Variants in RABGAP1L observed in about 807,000 individuals in gnomAD.
RABGAP1L encodes rab GTPase-activating protein 1-like.
In RABGAP1L, 63 loss-of-function variants were observed where a neutral mutation model predicts 137.7. The observed-to-expected ratio is 0.46, with a 90% CI of 0.37 to 0.56. The LOEUF (loss-of-function observed/expected upper bound fraction) is 0.56. Among genes scored for constraint, RABGAP1L ranks in the 20% least tolerant of loss-of-function variants. RABGAP1L has a pLI of 0.00. For missense variants in RABGAP1L, 1,095 were observed against 1,244.0 expected (o/e 0.88, Z 1.80); for synonymous variants, 431 against 433.7 (o/e 0.99, Z 0.08).
chr1:174,983,980 C>T (rs1671357912), intron 24 of RABGAP1L, among the ~76,000 whole-genome samples: 1 of 147,406 alleles, frequency 6.8e-6, no homozygotes, highest in South Asian at 2.1e-4. Context: ...GCATACTGAC[C>T]AAGATTCAGT....
At chr1:174,795,271 T>G (rs1688162113) in intron 18 of RABGAP1L, among the ~76,000 whole-genome samples, 1 of 152,214 alleles carries the variant, frequency 6.6e-6, no homozygotes, top group Non-Finnish European at 1.5e-5. Context: ...GGACAAGCTC[T>G]CTGCCATCCC....
chr1:174,438,742 G>GTATATATA (rs1468934527), intron 13 of RABGAP1L, among the ~76,000 whole-genome samples: 1 of 65,802 alleles, frequency 1.5e-5, no homozygotes, highest in African/African-American at 1.4e-4. Flanking sequence ...AAGTGTGTGT[G>GTATATATA]TGTATATATA....
chr1:174,758,369 A>T, intron 18 of RABGAP1L, among the ~76,000 whole-genome samples: 1 of 149,702 alleles, frequency 6.7e-6, no homozygotes, highest in East Asian at 2.0e-4. Flanking sequence ...TCCCTTGTTG[A>T]TCTTATTCAT....
chr1:174,644,451 C>T (rs1489356921), intron 14 of RABGAP1L, among the ~76,000 whole-genome samples: 5 of 151,610 alleles, frequency 3.3e-5, no homozygotes, highest in Non-Finnish European at 7.4e-5. Flanking sequence ...ATTGGTGTGA[C>T]GCCTAAGGGT....
chr1:174,975,422 T>A (rs565163645), intron 21 of RABGAP1L, among the ~76,000 whole-genome samples: 1 of 152,190 alleles, frequency 6.6e-6, no homozygotes, highest in Non-Finnish European at 1.5e-5. Flanking sequence ...TCTAGAAATA[T>A]GATCTTTTCT....
intron 10 of RABGAP1L, among the ~76,000 whole-genome samples, chr1:174,283,097 A>T (rs778554337): frequency 2.2e-4 from 33 of 152,112 alleles, no homozygotes; most frequent in Non-Finnish European, 3.7e-4. Flanking sequence ...TTAGTTTGTC[A>T]GTTTGTAGAA....
intron 18 of RABGAP1L, among the ~76,000 whole-genome samples, chr1:174,807,242 CT>C (rs1323897230): frequency 4.6e-5 from 7 of 151,860 alleles, no homozygotes; most frequent in Non-Finnish European, 5.9e-5. Context: ...TTATATTAGG[CT>C]TTTAAAAAAT....
chr1:174,963,177 T>G (rs1426199944), intron 20 of RABGAP1L, among the ~76,000 whole-genome samples: 1 of 152,202 alleles, frequency 6.6e-6, no homozygotes, highest in Admixed American at 6.5e-5. Context: ...AAAACTGTGT[T>G]GGCTTTTGGA....
At chr1:174,427,144 A>ATGTG (rs57986877) in intron 13 of RABGAP1L, among the ~76,000 whole-genome samples, 2,189 of 144,646 alleles carry the variant, frequency 0.015, 18 homozygotes, top group African/African-American at 0.037. Flanking sequence ...CCGCATGTTT[A>ATGTG]TGTGTGTGTG....
intron 13 of RABGAP1L, among the ~76,000 whole-genome samples, chr1:174,555,993 CT>C (rs367653521): frequency 0.036 from 4,199 of 115,444 alleles, 207 homozygotes; most frequent in African/African-American, 0.12. Flanking sequence ...GTTCGTTTGC[CT>C]TTTTTTTTTT....
intron 13 of RABGAP1L, among the ~76,000 whole-genome samples, chr1:174,552,962 A>G (rs1432850731): frequency 6.6e-6 from 1 of 151,990 alleles, no homozygotes; most frequent in Non-Finnish European, 1.5e-5. Flanking sequence ...CAATTTGCAT[A>G]TCTCTAATGT....
At chr1:174,915,320 C>T (rs1288539131) in intron 19 of RABGAP1L, among the ~76,000 whole-genome samples, 1 of 152,178 alleles carries the variant, frequency 6.6e-6, no homozygotes, top group African/African-American at 2.4e-5. Flanking sequence ...TTCTCCATAT[C>T]CTCAACAACA....
At chr1:174,421,434 T>A (rs750303422) in intron 13 of RABGAP1L, among the ~76,000 whole-genome samples, 32 of 152,234 alleles carry the variant, frequency 2.1e-4, no homozygotes, top group Non-Finnish European at 3.8e-4. Context: ...CAGTGACATA[T>A]TCAGGATATA....
intron 13 of RABGAP1L, among the ~76,000 whole-genome samples, chr1:174,404,523 C>T (rs888306694): frequency 6.6e-5 from 10 of 152,102 alleles, no homozygotes; most frequent in East Asian, 1.9e-4. Context: ...TGGTAAGCCT[C>T]GGGAAATATA....
At chr1:174,764,307 C>T (rs1685489873) in intron 18 of RABGAP1L, among the ~76,000 whole-genome samples, 3 of 152,148 alleles carry the variant, frequency 2.0e-5, no homozygotes, top group Non-Finnish European at 4.4e-5. Flanking sequence ...GCTTTCAGTT[C>T]TCTTGGTTAT....
At chr1:174,176,741 A>AT (rs1553248315) in intron 1 of RABGAP1L, among the ~76,000 whole-genome samples, 6 of 111,768 alleles carry the variant, frequency 5.4e-5, no homozygotes, top group Middle Eastern at 4.8e-3. Context: ...AAAAAAAAAA[A>AT]AAAAAGGTCA....
intron 19 of RABGAP1L, among the ~76,000 whole-genome samples, chr1:174,829,602 G>T (rs950233714): frequency 6.7e-6 from 1 of 148,364 alleles, no homozygotes; most frequent in Non-Finnish European, 1.5e-5. Flanking sequence ...TCTTAGTCGT[G>T]TGTGATCAAA....
At chr1:174,614,557 T>A (rs943170538) in intron 13 of RABGAP1L, among the ~76,000 whole-genome samples, 22 of 152,192 alleles carry the variant, frequency 1.4e-4, no homozygotes, top group Non-Finnish European at 2.5e-4. Flanking sequence ...TTATGTGGCT[T>A]GGAGTTGCTC....
chr1:174,982,171 A>C (rs1346422815), intron 23 of RABGAP1L, among the ~76,000 whole-genome samples: 1 of 152,074 alleles, frequency 6.6e-6, no homozygotes. Flanking sequence ...TCTGGGGTAC[A>C]CATGCAGAAC....
Sources: allele counts gnomAD v4.1 joint callset (sites outside exome capture counted in the v4.1 genomes callset), GRCh38; gene constraint gnomAD v4.1.1; transcripts MANE v1.5; gene names NCBI Gene and HGNC (gene_info 2026-07-23, HGNC 2026-07-21).